USH2A: variants seen among roughly 807,000 people sequenced by gnomAD.
USH2A encodes usherin, also known as Usher syndrome 2A (autosomal recessive, mild).
Under a neutral mutation model 538.9 loss-of-function variants are expected in USH2A, and 443 were observed. The observed-to-expected ratio is 0.82, with a 90% confidence interval of 0.76 to 0.89. The LOEUF (loss-of-function observed/expected upper bound fraction) is 0.89, where lower values mean the gene tolerates loss of function less well. USH2A is among the 40% of genes least tolerant of loss of function. The pLI, the probability that USH2A is intolerant of heterozygous loss-of-function variation, is 0.00. For missense variants in USH2A, 6,633 were observed against 6,324.8 expected, an observed-to-expected ratio of 1.05 and a Z score of -1.65; for synonymous variants, 2,413 against 2,273.5, an observed-to-expected ratio of 1.06 and a Z score of -1.75.
chr1:216,392,491 C>CAA (rs55951311), intron 3 of USH2A, among the ~76,000 whole-genome samples: 848 of 49,370 alleles, frequency 0.017, 45 homozygotes, highest in African/African-American at 0.047. Context: ...GACTCCGTCT[C>CAA]AAAAAAAAAA....
At chr1:216,152,958 T>C (rs1262640496) in intron 21 of USH2A, among the ~76,000 whole-genome samples, 3 of 152,160 alleles carry the variant, frequency 2.0e-5, no homozygotes, top group South Asian at 2.1e-4. Context: ...CAGTGCCACA[T>C]AGAAGAAGAG....
At chr1:215,749,865 G>C (rs1051498350) in intron 58 of USH2A, among the ~76,000 whole-genome samples, 9 of 152,072 alleles carry the variant, frequency 5.9e-5, no homozygotes, top group Admixed American at 5.9e-4. Context: ...TCCTTGCAAT[G>C]CTCCTTTTCA....
rs150099254 is a variant in USH2A at position 215,686,246 on chromosome 1, C to T, written c.12067-5870G>A. Among the ~76,000 whole-genome samples the T allele has an allele frequency of 6.2e-3, 939 of 152,158 alleles. 9 individuals carry two copies. Among genetic ancestry groups the T allele is most frequent in the Non-Finnish European group, 8.1e-3 (548 of 67,992 alleles). ...AATCAATAATGTATATACATACACACAATTCAGTGTGGCAGTGCTATAATA... is the reference window on the plus strand; with the variant it reads ...AATCAATAATGTATATACATACACATAATTCAGTGTGGCAGTGCTATAATA... On this transcript the variant is annotated intron_variant, in intron 61 of 71. Coordinates refer to ENST00000307340, the MANE Select transcript of USH2A (RefSeq NM_206933.4).
chr1:215,692,693 G>A (rs905800640), intron 61 of USH2A, among the ~76,000 whole-genome samples: 1 of 152,086 alleles, frequency 6.6e-6, no homozygotes, highest in South Asian at 2.1e-4. Context: ...GAAGTGGTAT[G>A]TAAACTACCA....
intron 18 of USH2A, among the ~76,000 whole-genome samples, chr1:216,197,533 T>C (rs75276774): frequency 6.6e-6 from 1 of 152,136 alleles, no homozygotes; most frequent in Non-Finnish European, 1.5e-5. Flanking sequence ...TCAAGCACAA[T>C]GCGTATTTTA....
intron 21 of USH2A, among the ~76,000 whole-genome samples, chr1:216,161,398 C>T (rs2034056826): frequency 6.6e-6 from 1 of 152,044 alleles, no homozygotes; most frequent in African/African-American, 2.4e-5. Flanking sequence ...CCTTGATCTA[C>T]TATGGCCTAC....
At chr1:216,360,979 G>A (rs1435359919) in intron 4 of USH2A, among the ~76,000 whole-genome samples, 1 of 151,888 alleles carries the variant, frequency 6.6e-6, no homozygotes, top group African/African-American at 2.4e-5. Context: ...AAAAAAGTTG[G>A]AGAACTACTA....
At chr1:216,084,656 A>G in intron 25 of USH2A, 42 bp downstream of exon 25, 1 of 1,602,510 alleles carries the variant, frequency 6.2e-7, no homozygotes, top group Non-Finnish European at 8.5e-7. Flanking sequence ...AGGATAGAAC[A>G]TAGATTTTAA....
chr1:216,146,449 G>A lies in USH2A; in HGVS notation c.4627+28803C>T, dbSNP rs1373049496. ...GACACCTCTCTGATTATACACTCAC[G>A]TTTCAAGGGTGTCAGACCACGCAGG... On this transcript the variant is annotated intron_variant, in intron 21 of 71. Transcript: ENST00000307340. Among the ~76,000 whole-genome samples, 3 of 152,158 alleles carry A rather than the reference G, an allele frequency of 2.0e-5. No homozygotes were observed. The East Asian group carries it at 5.8e-4, about 29-fold the overall frequency.
intron 49 of USH2A, among the ~76,000 whole-genome samples, chr1:215,809,589 C>T (rs138148720): frequency 1.3e-5 from 2 of 151,930 alleles, no homozygotes; most frequent in Non-Finnish European, 2.9e-5. Context: ...CTATTTCAGG[C>T]CAGGCTTGAA....
At chr1:215,662,680 C>A (rs937239642) in intron 64 of USH2A, among the ~76,000 whole-genome samples, 1 of 152,100 alleles carries the variant, frequency 6.6e-6, no homozygotes. Flanking sequence ...GCACTCAGGC[C>A]CTAAAGTTTT....
chr1:216,090,432 A>G (rs67020027), intron 22 of USH2A, among the ~76,000 whole-genome samples: 3,663 of 133,058 alleles, frequency 0.028, 63 homozygotes, highest in Non-Finnish European at 0.037. Flanking sequence ...TTACCAAAGT[A>G]AAAAAAAAAA....
intron 11 of USH2A, among the ~76,000 whole-genome samples, chr1:216,282,351 A>T (rs141290342): frequency 6.4e-4 from 98 of 152,276 alleles, no homozygotes; most frequent in African/African-American, 2.3e-3. Context: ...AAGATTTTAT[A>T]ATTTTAGCTT....
At position 216,327,580 on chromosome 1, in the gene USH2A, C is replaced by T. The variant is rs772075974; in HGVS notation, c.848+11G>A. On this transcript the variant is annotated intron_variant, in intron 5 of 71. Transcript: ENST00000307340. The stretch of plus-strand genomic sequence containing the variant: ...TCGGTTCTTGAGGTTTACAATGCAA[C>T]ATCTGCTTACCTGTTTGTAAGTGCC... The T allele has an allele frequency of 1.2e-6, 2 of 1,613,000 alleles. No individual in the cohort carries two copies. Among genetic ancestry groups the T allele is most frequent in the South Asian group, 1.1e-5 (1 of 91,078 alleles).
rs530202649 is a variant in USH2A at position 216,271,326 on chromosome 1, C to T, written c.1971+17954G>A. Among the ~76,000 whole-genome samples the T allele has an allele frequency of 6.5e-4, 99 of 152,236 alleles. 1 individual carries two copies. Among genetic ancestry groups the T allele is most frequent in the African/African-American group, 2.3e-3 (94 of 41,578 alleles). The stretch of plus-strand genomic sequence containing the variant: ...CTTACAGCTGCATTTGCACATCAAA[C>T]ATCCCGTCCTTACTTAGAATATAAA... On this transcript the variant is annotated intron_variant, in intron 11 of 71. Transcript: ENST00000307340.
chr1:215,833,977 GA>G (rs1663403289), intron 47 of USH2A, among the ~76,000 whole-genome samples: 1 of 151,984 alleles, frequency 6.6e-6, no homozygotes, highest in South Asian at 2.1e-4. Context: ...AGTCATTAGG[GA>G]AAATGTAATT....
chr1:216,023,094 A>C (rs1668877265), intron 32 of USH2A, among the ~76,000 whole-genome samples: 1 of 152,178 alleles, frequency 6.6e-6, no homozygotes, highest in South Asian at 2.1e-4. Flanking sequence ...TGAGGCAGTG[A>C]AATACAAATA....
In USH2A at chr1:215,934,719, G is replaced by A. The variant is rs1305453013; in HGVS notation, c.7197C>T (p.Ile2399=). The A allele has an allele frequency of 8.7e-6, 14 of 1,612,698 alleles. No homozygotes were observed. Among genetic ancestry groups the A allele is most frequent in the African/African-American group, 1.3e-5 (1 of 74,800 alleles). Residue 2399 remains isoleucine (I), a synonymous_variant, in exon 38 of 72, where the codon ATC becomes ATT. Transcript: ENST00000307340. ...SGEETNLWVL[I]DGLVPFTNYT... is the part of the protein sequence containing the mutation. ...AGTTGGTAAAAGGAACCAGCCCATC[G>A]ATGAGCACCCAAAGGTTTGTCTCTT...
chr1:215,724,840 G>C (rs1659764837), intron 61 of USH2A, among the ~76,000 whole-genome samples: 1 of 152,046 alleles, frequency 6.6e-6, no homozygotes, highest in Non-Finnish European at 1.5e-5. Flanking sequence ...AGTACTCAAT[G>C]GTTATTTGCC....
Sources: allele counts gnomAD v4.1 joint callset (sites outside exome capture counted in the v4.1 genomes callset), GRCh38; gene constraint gnomAD v4.1.1; transcripts MANE v1.5; gene names NCBI Gene and HGNC (gene_info 2026-07-23, HGNC 2026-07-21).